SEL1L: variants seen among roughly 807,000 people sequenced by gnomAD.
The protein encoded by SEL1L is SEL1L adaptor subunit of SYVN1 ubiquitin ligase, also known as protein sel-1 homolog 1.
A neutral mutation model predicts 109.8 loss-of-function variants in SEL1L; 52 were observed. The observed-to-expected ratio is 0.47, with a 90% CI of 0.38 to 0.60. The LOEUF is 0.60. SEL1L is among the 20% of genes least tolerant of loss of function. SEL1L has a pLI of 0.00. For synonymous variants in SEL1L, 373 were observed against 339.6 expected, an observed-to-expected ratio of 1.10 and a Z score of -1.08; for missense variants, 749 against 962.2, an observed-to-expected ratio of 0.78 and a Z score of 2.93.
intron 3 of SEL1L, among the ~76,000 whole-genome samples, chr14:81,512,039 T>C (rs1404511649): frequency 1.3e-5 from 2 of 152,236 alleles, no homozygotes; most frequent in Admixed American, 1.3e-4. Context: ...TCTTTTCACA[T>C]AAAGGATTTG....
At position 81,498,062 on chromosome 14, in the gene SEL1L, A is replaced by G; in HGVS notation, c.974-16T>C. On this transcript the variant is annotated splice_polypyrimidine_tract_variant and intron_variant, in intron 9 of 20. Transcript: ENST00000336735. ...TCACTAGCAACTGAAATAGAGGGAT[A>G]AAACAATAAGGTGGAGGAAAATCAG... The G allele has an allele frequency of 6.2e-7, 1 of 1,606,504 alleles. No individual in the cohort carries two copies. The highest frequency in any genetic ancestry group is 8.5e-7 in the Non-Finnish European group (1 of 1,176,766).
At chr14:81,478,325 G>A (rs1024000218) in intron 20 of SEL1L, among the ~76,000 whole-genome samples, 48 of 152,062 alleles carry the variant, frequency 3.2e-4, no homozygotes, top group Admixed American at 3.1e-3. Context: ...TCTTATGATC[G>A]ATACTTATTA....
intron 3 of SEL1L, among the ~76,000 whole-genome samples, chr14:81,519,826 C>T (rs1048068013): frequency 2.0e-5 from 3 of 152,162 alleles, no homozygotes; most frequent in African/African-American, 7.2e-5. Flanking sequence ...GCATCCTAAA[C>T]AGTGAGGAGA....
At chr14:81,505,370 T>C (rs951359710) in intron 4 of SEL1L, among the ~76,000 whole-genome samples, 13 of 152,322 alleles carry the variant, frequency 8.5e-5, no homozygotes, top group Admixed American at 3.9e-4. Flanking sequence ...CCAGTATTTA[T>C]AGAAACAGAA....
Position 81,484,331 on chromosome 14 carries a change from T to C in SEL1L, c.1940A>G (p.Tyr647Cys). 1.9e-6 allele frequency: 3 copies of C among 1,614,160 alleles called. No individual in the cohort carries two copies. The highest frequency in any genetic ancestry group is 2.5e-6 in the Non-Finnish European group (3 of 1,180,006). The change falls in exon 19 of 21, where the codon TAT becomes TGT. Residue 647 changes from tyrosine to cysteine, a missense_variant. This residue lies in a region of SEL1L where 383 missense variants were observed against 562.5 expected (regional missense o/e 0.68). Transcript: ENST00000336735. The part of the protein sequence containing the change: ...HFYGFGTDVD[Y>C]ETAFIHYRLA... ...ACGGTAATGAATAAATGCAGTTTCA[T>C]AATCTACATCGGTGCCAAACCCATA...
In SEL1L at chr14:81,479,394, G is replaced by T. The variant is rs146653295; in HGVS notation, c.2175+218C>A. ...TCCATGAAAAATGCTTTAGCGTCAG[G>T]AAGTGTCAAACGCTACCTAAAAACT... is the stretch of plus-strand genomic sequence containing the variant. On this transcript the variant is annotated intron_variant, in intron 20 of 20. Coordinates refer to ENST00000336735, the MANE Select transcript of SEL1L (RefSeq NM_005065.6). 6.7e-5 allele frequency: 23 copies of T among 345,694 alleles called. No homozygotes were observed. In the East Asian group the frequency reaches 9.1e-4, roughly 14 times the overall value. 21.4% of individuals were successfully genotyped at this position (345,694 alleles called of 1,614,324 possible).
chr14:81,485,607 C>T, intron 18 of SEL1L, 65 bp downstream of exon 18: 1 of 1,340,700 alleles, frequency 7.5e-7, no homozygotes, highest in Non-Finnish European at 1.1e-6. Context: ...ATTTAATGTT[C>T]ATGGGAGATA....
At chr14:81,512,174 A>G (rs1298459384) in intron 3 of SEL1L, among the ~76,000 whole-genome samples, 2 of 151,926 alleles carry the variant, frequency 1.3e-5, no homozygotes, top group Non-Finnish European at 1.5e-5. Flanking sequence ...GTGGACTTTG[A>G]GTAAAGCAGA....
chr14:81,510,271 G>A (rs531420612), intron 3 of SEL1L, among the ~76,000 whole-genome samples: 6 of 152,286 alleles, frequency 3.9e-5, no homozygotes, highest in Non-Finnish European at 7.4e-5. Context: ...TACAGAACAG[G>A]AAGAGAGAAA....
chr14:81,491,372 T>C (rs74984279), intron 12 of SEL1L, among the ~76,000 whole-genome samples: 9,469 of 152,250 alleles, frequency 0.062, 923 homozygotes, highest in African/African-American at 0.21. Context: ...TATTCACATA[T>C]ATGTTAAAGA....
At chr14:81,487,722 A>C in intron 15 of SEL1L, 133 bp downstream of exon 15, 1 of 1,509,802 alleles carries the variant, frequency 6.6e-7, no homozygotes, top group South Asian at 1.3e-5. Context: ...CAAGATGTAC[A>C]AATCATTGAA....
intron 20 of SEL1L, chr14:81,479,234 AG>A (rs1263920421): frequency 6.5e-6 from 1 of 153,744 alleles, no homozygotes; most frequent in East Asian, 1.9e-4. Context: ...GGAGGTTCTC[AG>A]ATTCTTCTTT....
At position 81,492,568 on chromosome 14, in the gene SEL1L, T is replaced by G. The variant is rs1403091739; in HGVS notation, c.1186-20A>C. 6.6e-6 allele frequency: 10 copies of G among 1,513,908 alleles called. No homozygotes were observed. Among genetic ancestry groups the G allele is most frequent in the Non-Finnish European group, 9.0e-6 (10 of 1,106,472 alleles). The allele number at this position is 1,513,908 out of a possible 1,614,324, so 93.8% of individuals were successfully genotyped here. A position where few individuals can be genotyped will look rare whatever the true frequency, so the allele number is the denominator to read the frequency against. ...TGCTCTCTATGAGAAAAGAATTTAT[T>G]AAAATAATTAGTTTTTAACAGAATC... On this transcript the variant is annotated intron_variant, in intron 11 of 20. Coordinates refer to ENST00000336735, the MANE Select transcript of SEL1L (RefSeq NM_005065.6).
At chr14:81,488,610 A>C (rs868581679) in intron 14 of SEL1L, among the ~76,000 whole-genome samples, 5 of 152,342 alleles carry the variant, frequency 3.3e-5, no homozygotes, top group Non-Finnish European at 7.3e-5. Context: ...CAACATGAGG[A>C]GGCTGCACAG....
chr14:81,476,704 C>T lies in SEL1L; in HGVS notation c.*268G>A, dbSNP rs1016362789. ...AGTAGACATTACTCTGAGTGTCTCACATATGTTTCCAGAAAAGAAAAAAAA... is the reference window on the plus strand; with the variant it reads ...AGTAGACATTACTCTGAGTGTCTCATATATGTTTCCAGAAAAGAAAAAAAA... On this transcript the variant is annotated 3_prime_UTR_variant, in exon 21 of 21. Coordinates refer to ENST00000336735, the MANE Select transcript of SEL1L (RefSeq NM_005065.6). The T allele has an allele frequency of 3.9e-5, 17 of 435,186 alleles. No homozygotes were observed. The highest frequency in any genetic ancestry group is 1.1e-4 in the East Asian group (3 of 27,462). 27.0% of individuals were successfully genotyped at this position (435,186 alleles called of 1,614,324 possible).
chr14:81,485,081 T>C (rs906102725), intron 18 of SEL1L, among the ~76,000 whole-genome samples: 2 of 152,242 alleles, frequency 1.3e-5, no homozygotes, highest in African/African-American at 4.8e-5. Flanking sequence ...TGTTCTATCA[T>C]ACATTCTATT....
chr14:81,488,907 G>A, intron 14 of SEL1L: 1 of 268,890 alleles, frequency 3.7e-6, no homozygotes, highest in Middle Eastern at 1.2e-3. Context: ...CTCAATGGAA[G>A]GCAGTTATGC....
chr14:81,496,321 C>CA (rs1425671872), intron 10 of SEL1L, among the ~76,000 whole-genome samples: 3 of 141,478 alleles, frequency 2.1e-5, no homozygotes, highest in South Asian at 2.1e-4. Flanking sequence ...GACTCCGTCT[C>CA]AAAAAACAAA....
chr14:81,480,954 CG>C (rs1903337127), intron 19 of SEL1L, among the ~76,000 whole-genome samples: 1 of 151,964 alleles, frequency 6.6e-6, no homozygotes, highest in Admixed American at 6.6e-5. Flanking sequence ...GGGCTACCAC[CG>C]GAAGAGATCT....
Sources: gnomAD v4.1 joint callset for allele counts (sites outside exome capture counted in the v4.1 genomes callset) on GRCh38, gnomAD v4.1.1 for gene constraint, gnomAD v4.1.1 regional missense constraint, MANE v1.5 for transcripts, NCBI Gene and HGNC (gene_info 2026-07-23, HGNC 2026-07-21) for gene names.